The following STAG1 variants were observed in gnomAD, a reference collection of about 807,000 sequenced individuals.
The protein encoded by STAG1 is STAG1 cohesin complex component, also known as cohesin subunit SA-1.
In STAG1, 26 loss-of-function variants were observed where a neutral mutation model predicts 170.9. The observed-to-expected ratio is 0.15, with a 90% CI of 0.11 to 0.21. STAG1 has a LOEUF of 0.21. STAG1 is among the 10% of genes least tolerant of loss of function. STAG1 has a pLI of 1.00. For synonymous variants in STAG1, 514 were observed against 497.7 expected, an observed-to-expected ratio of 1.03 and a Z score of -0.44; for missense variants, 964 against 1,509.5, an observed-to-expected ratio of 0.64 and a Z score of 5.99.
intron 6 of STAG1, among the ~76,000 whole-genome samples, chr3:136,533,239 T>C (rs960568872): frequency 6.6e-6 from 1 of 152,002 alleles, no homozygotes; most frequent in Non-Finnish European, 1.5e-5. Flanking sequence ...AAAAGACTGA[T>C]GAAAGAAACT....
At chr3:136,370,860 C>T (rs1937295706) in intron 23 of STAG1, among the ~76,000 whole-genome samples, 1 of 152,170 alleles carries the variant, frequency 6.6e-6, no homozygotes. Context: ...ATTTATAATC[C>T]TTTGGGTATA....
intron 1 of STAG1, among the ~76,000 whole-genome samples, chr3:136,658,329 C>G (rs1232716524): frequency 1.3e-5 from 2 of 151,730 alleles, no homozygotes; most frequent in Admixed American, 6.6e-5. Context: ...TCCCACATAT[C>G]TAGGTAGGTC....
intron 21 of STAG1, among the ~76,000 whole-genome samples, chr3:136,406,860 A>G (rs2107705484): frequency 6.7e-6 from 1 of 149,004 alleles, no homozygotes; most frequent in South Asian, 2.1e-4. Context: ...AAGATTTCCC[A>G]AAGAATGGAT....
At chr3:136,505,246 T>A (rs1933698244) in intron 7 of STAG1, among the ~76,000 whole-genome samples, 1 of 152,244 alleles carries the variant, frequency 6.6e-6, no homozygotes. Flanking sequence ...AGCTCTTAAG[T>A]GGCTTCTTCT....
chr3:136,532,328 ATGT>A (rs774371417), intron 6 of STAG1, among the ~76,000 whole-genome samples: 4 of 152,012 alleles, frequency 2.6e-5, no homozygotes, highest in Admixed American at 6.6e-5. Flanking sequence ...AGGTTCCTTT[ATGT>A]TGTTGTTGTT....
intron 24 of STAG1, among the ~76,000 whole-genome samples, chr3:136,367,683 G>T (rs1489816454): frequency 1.3e-5 from 2 of 152,030 alleles, no homozygotes; most frequent in African/African-American, 2.4e-5. Context: ...AATATTTAGG[G>T]AAGAAATTGA....
In STAG1 at chr3:136,597,577, A is replaced by G. The variant is rs1938485978; in HGVS notation, c.297+6732T>C. Reference sequence around the variant, plus strand: ...TTTGTACTTCATTGATTTTACTTCTATCTTGAATATGCTCGTTTCTGATTA... The same window carrying G: ...TTTGTACTTCATTGATTTTACTTCTGTCTTGAATATGCTCGTTTCTGATTA... On this transcript the variant is annotated intron_variant, in intron 4 of 33. Transcript: ENST00000383202. Among the ~76,000 whole-genome samples the G allele has an allele frequency of 3.3e-5, 5 of 152,158 alleles. No homozygotes were observed. The South Asian group carries it at 1.0e-3, about 32-fold the overall frequency.
rs535692235 is a variant in STAG1 at position 136,576,919 on chromosome 3, G to A, written c.298-8058C>T. ...GTTTGCTTTGGAGAAAGATAGATTC[G>A]TTTGCTTTGGATTAAAGTAGATTCG... On this transcript the variant is annotated intron_variant, in intron 4 of 33. Coordinates refer to ENST00000383202, the MANE Select transcript of STAG1 (RefSeq NM_005862.3). Among the ~76,000 whole-genome samples the A allele has an allele frequency of 1.1e-4, 17 of 152,138 alleles. 1 individual carries two copies. The South Asian group carries it at 2.9e-3, about 26-fold the overall frequency.
intron 5 of STAG1, among the ~76,000 whole-genome samples, chr3:136,556,004 T>G (rs1039608781): frequency 6.6e-6 from 1 of 152,100 alleles, no homozygotes; most frequent in African/African-American, 2.4e-5. Flanking sequence ...AACCTAGCAA[T>G]AATTTAAAAA....
At chr3:136,343,640 T>G (rs1936091965) in intron 30 of STAG1, among the ~76,000 whole-genome samples, 192 bp downstream of exon 30, 1 of 152,216 alleles carries the variant, frequency 6.6e-6, no homozygotes, top group Non-Finnish European at 1.5e-5. Flanking sequence ...GTCTGTAAAC[T>G]TCCAGGAACT....
chr3:136,718,899 C>T (rs1299849154), intron 1 of STAG1, among the ~76,000 whole-genome samples: 2 of 152,076 alleles, frequency 1.3e-5, no homozygotes, highest in Non-Finnish European at 2.9e-5. Context: ...TGCACTCCAT[C>T]CTGGGTGACA....
At chr3:136,354,762 A>AAAAAAAAAAAAAAAAAAAAC in intron 28 of STAG1, among the ~76,000 whole-genome samples, 1 of 145,922 alleles carries the variant, frequency 6.9e-6, no homozygotes, top group African/African-American at 2.5e-5. Context: ...ACCAAAAAAA[A>AAAAAAAAAAAAAAAAAAAAC]AAAAAACCAA....
intron 5 of STAG1, among the ~76,000 whole-genome samples, chr3:136,559,168 C>T (rs202000673): frequency 1.7e-5 from 2 of 117,862 alleles, no homozygotes; most frequent in African/African-American, 3.0e-5. Context: ...TATCTATATA[C>T]GTACACACTG....
intron 1 of STAG1, among the ~76,000 whole-genome samples, chr3:136,729,570 CTTT>C (rs34078029): frequency 2.0e-3 from 192 of 94,628 alleles, no homozygotes; most frequent in African/African-American, 6.5e-3. Flanking sequence ...TGTAGTTTTC[CTTT>C]TTTTTTTTTT....
intron 23 of STAG1, among the ~76,000 whole-genome samples, chr3:136,374,197 G>T (rs936679792): frequency 1.3e-5 from 2 of 152,036 alleles, no homozygotes; most frequent in Admixed American, 6.6e-5. Flanking sequence ...TTGCTTGGTA[G>T]ATCTTCCTCC....
At chr3:136,475,553 G>C (rs1390683108) in intron 10 of STAG1, among the ~76,000 whole-genome samples, 1 of 152,162 alleles carries the variant, frequency 6.6e-6, no homozygotes, top group African/African-American at 2.4e-5. Flanking sequence ...GGAACCAAGA[G>C]TGGTCCTGGG....
At chr3:136,546,114 T>C (rs556548071) in intron 5 of STAG1, among the ~76,000 whole-genome samples, 5 of 152,202 alleles carry the variant, frequency 3.3e-5, no homozygotes, top group African/African-American at 1.2e-4. Flanking sequence ...AAGCAAGCAC[T>C]ATCCTAGCTA....
At chr3:136,723,389 G>A (rs566125930) in intron 1 of STAG1, among the ~76,000 whole-genome samples, 4 of 148,958 alleles carry the variant, frequency 2.7e-5, no homozygotes, top group African/African-American at 5.1e-5. Flanking sequence ...CCGCGACCCC[G>A]TCTGGGAGGT....
At chr3:136,376,013 T>TAATAAAATAAAATAAAATAA (rs1163167497) in intron 23 of STAG1, among the ~76,000 whole-genome samples, 1 of 15,714 alleles carries the variant, frequency 6.4e-5, no homozygotes, top group African/African-American at 1.5e-4. Flanking sequence ...AATAAATAAT[T>TAATAAAATAAAATAAAATAA]AACAAAATAA....
Sources: allele counts gnomAD v4.1 joint callset (sites outside exome capture counted in the v4.1 genomes callset), GRCh38; gene constraint gnomAD v4.1.1; transcripts MANE v1.5; gene names NCBI Gene and HGNC (gene_info 2026-07-23, HGNC 2026-07-21).